The following SERPINA6 variants were observed in gnomAD, a reference collection of about 807,000 sequenced individuals.
The protein encoded by SERPINA6 is serpin family A member 6.
SERPINA6 carries 19 observed loss-of-function variants against 26.4 expected under a neutral mutation model. That is an observed-to-expected ratio of 0.72 (90% CI 0.50 to 1.06). The LOEUF is 1.06. SERPINA6 is among the 50% of genes least tolerant of loss of function. The pLI, the probability that SERPINA6 is intolerant of heterozygous loss-of-function variation, is 0.00. For synonymous variants in SERPINA6, 196 were observed against 199.4 expected (o/e 0.98, Z 0.14); for missense variants, 473 against 504.0 (o/e 0.94, Z 0.59).
intron 2 of SERPINA6, among the ~76,000 whole-genome samples, chr14:94,311,348 G>A (rs182742507): frequency 2.8e-4 from 42 of 152,278 alleles, no homozygotes; most frequent in Non-Finnish European, 5.3e-4. Context: ...AAACAAAGTG[G>A]GTAAAATATT....
At chr14:94,318,721 G>T (rs1343026559) in intron 1 of SERPINA6, among the ~76,000 whole-genome samples, 1 of 152,044 alleles carries the variant, frequency 6.6e-6, no homozygotes, top group Non-Finnish European at 1.5e-5. Flanking sequence ...AAAAAAACAT[G>T]GGGGAAAAAC....
rs187253929 is a variant in SERPINA6, at chr14:94,314,318, G to C, written c.331C>G (p.His111Asp). 3 of 1,614,084 alleles carry C rather than the reference G, an allele frequency of 1.9e-6. No individual in the cohort carries two copies. The South Asian group carries it at 3.3e-5, about 18-fold the overall frequency. The change falls in exon 2 of 5, where the codon CAC becomes GAC. Residue 111 changes from histidine (H) to aspartate (D), a missense_variant. Transcript: ENST00000341584. ...GACTTTGCAAAGAGTTGGTGCAGGT[G>C]CTGGAAACCCTGGTGGATCTCAGTC... ...SETEIHQGFQ[H>D]LHQLFAKSDT... is the part of the protein sequence containing the mutation.
At chr14:94,309,645 G>A (rs1895496546) in intron 3 of SERPINA6, 91 bp downstream of exon 3, 3 of 1,472,762 alleles carry the variant, frequency 2.0e-6, no homozygotes, top group Non-Finnish European at 2.8e-6. Context: ...TCCAGGGAAG[G>A]AAGGATGCCC....
At chr14:94,313,653 C>A (rs570985907) in intron 2 of SERPINA6, among the ~76,000 whole-genome samples, 1 of 152,220 alleles carries the variant, frequency 6.6e-6, no homozygotes, top group South Asian at 2.1e-4. Flanking sequence ...TGCAGGATGG[C>A]TTTGGGGGCA....
chr14:94,307,513 G>T (rs1895459240), intron 3 of SERPINA6, among the ~76,000 whole-genome samples: 1 of 152,226 alleles, frequency 6.6e-6, no homozygotes, highest in Non-Finnish European at 1.5e-5. Flanking sequence ...TATTTTTGGT[G>T]TAAAGAAAGA....
intron 3 of SERPINA6, among the ~76,000 whole-genome samples, chr14:94,308,316 C>T (rs1427284837): frequency 1.3e-5 from 2 of 152,222 alleles, no homozygotes; most frequent in Admixed American, 1.3e-4. Flanking sequence ...GTTTTCTGCT[C>T]TAGAGTGCAT....
intron 3 of SERPINA6, among the ~76,000 whole-genome samples, chr14:94,306,902 TC>T (rs1248143365): frequency 1.3e-5 from 2 of 152,128 alleles, no homozygotes; most frequent in East Asian, 1.9e-4. Flanking sequence ...TTGTGCCTTC[TC>T]CCCAGAGGGA....
intron 1 of SERPINA6, among the ~76,000 whole-genome samples, chr14:94,316,028 G>A (rs376347202): frequency 2.6e-5 from 4 of 152,078 alleles, no homozygotes; most frequent in African/African-American, 7.2e-5. Context: ...TCATCACACT[G>A]CTTTCACTCA....
intron 1 of SERPINA6, among the ~76,000 whole-genome samples, chr14:94,318,555 A>C (rs2139726801): frequency 2.0e-5 from 3 of 152,360 alleles, no homozygotes; most frequent in Middle Eastern, 6.8e-3. Flanking sequence ...ATGCCAGACC[A>C]TTCAATGGGG....
chr14:94,307,247 C>A (rs1279730876), intron 3 of SERPINA6, among the ~76,000 whole-genome samples: 2 of 152,050 alleles, frequency 1.3e-5, no homozygotes, highest in Admixed American at 6.6e-5. Flanking sequence ...TGCATGTGCA[C>A]ACACACACAT....
chr14:94,320,811 C>T (rs1426287768), intron 1 of SERPINA6, among the ~76,000 whole-genome samples: 2 of 152,150 alleles, frequency 1.3e-5, no homozygotes, highest in Non-Finnish European at 2.9e-5. Flanking sequence ...TGGAAAACAA[C>T]CCCTGTTGGC....
intron 1 of SERPINA6, among the ~76,000 whole-genome samples, chr14:94,319,286 A>T (rs909618762): frequency 1.3e-4 from 19 of 144,088 alleles, no homozygotes; most frequent in Non-Finnish European, 2.6e-4. Flanking sequence ...GATTTCCTTT[A>T]AAAAAATTTT....
rs1164415645 is a variant in SERPINA6 at position 94,309,929 on chromosome 14, C to T, written c.691G>A (p.Val231Met). Residue 231 changes from valine to methionine, a missense_variant, in exon 3 of 5, where the codon GTG becomes ATG. Transcript: ENST00000341584. ...FYVDETTVVKVPMMLQSSTIS... is the reference protein window; with the variant it reads ...FYVDETTVVKMPMMLQSSTIS... ...GTGCTCGACTGCAACATCATGGGCA[C>T]CTTCACCACAGTTGTCTCGTCCACA... 3 of 1,614,082 alleles carry T rather than the reference C, an allele frequency of 1.9e-6. No individual in the cohort carries two copies. The highest frequency in any genetic ancestry group is 1.3e-5 in the African/African-American group (1 of 74,934).
intron 4 of SERPINA6, among the ~76,000 whole-genome samples, chr14:94,305,190 G>T (rs1895419594): frequency 6.6e-6 from 1 of 152,156 alleles, no homozygotes; most frequent in Non-Finnish European, 1.5e-5. Flanking sequence ...ACCCTAAGGG[G>T]TGGGAACTTC....
intron 1 of SERPINA6, among the ~76,000 whole-genome samples, chr14:94,316,816 C>G (rs7158343): frequency 0.19 from 28,669 of 152,238 alleles, 2,964 homozygotes; most frequent in Non-Finnish European, 0.24. Context: ...TGTCCCTGAG[C>G]TGGACATCTG....
intron 2 of SERPINA6, among the ~76,000 whole-genome samples, chr14:94,311,881 G>A (rs1895534811): frequency 6.6e-6 from 1 of 152,096 alleles, no homozygotes; most frequent in Admixed American, 6.5e-5. Context: ...CCGGGAGGCG[G>A]AGCTTGCAGT....
rs778913169 is a variant in SERPINA6 at position 94,309,848 on chromosome 14, C to T, written c.772G>A (p.Val258Met). The change falls in exon 3 of 5, where the codon GTG becomes ATG. Residue 258 changes from valine (V) to methionine (M), a missense_variant. Val to Met is a conservative substitution (Grantham distance 21, BLOSUM62 1). Coordinates refer to ENST00000341584, the MANE Select transcript of SERPINA6 (RefSeq NM_001756.4). ...LPCQLVQMNYVGNGTVFFILP... is the reference protein window; with the variant it reads ...LPCQLVQMNYMGNGTVFFILP... ...ATGAAGAAGACAGTCCCATTGCCCA[C>T]GTAGTTCATCTGCACCAGCTGGCAG... 4.6e-5 allele frequency: 75 copies of T among 1,614,088 alleles called. No homozygotes were observed. In the South Asian group the frequency reaches 4.8e-4, roughly 10 times the overall value.
chr14:94,304,744 C>G (rs996173519), intron 4 of SERPINA6, 141 bp from the exon 5 acceptor site: 3 of 712,504 alleles, frequency 4.2e-6, no homozygotes, highest in Admixed American at 2.5e-5. Flanking sequence ...GATTCTTATC[C>G]AAGTGGCAGC....
At chr14:94,308,329 C>T (rs752075742) in intron 3 of SERPINA6, among the ~76,000 whole-genome samples, 1 of 152,222 alleles carries the variant, frequency 6.6e-6, no homozygotes, top group Non-Finnish European at 1.5e-5. Context: ...GAGTGCATGT[C>T]TTTAAGGGCT....
Sources: allele counts gnomAD v4.1 joint callset (sites outside exome capture counted in the v4.1 genomes callset), GRCh38; gene constraint gnomAD v4.1.1; transcripts MANE v1.5; gene names NCBI Gene and HGNC (gene_info 2026-07-23, HGNC 2026-07-21).